Variants in PRUNE2 observed in about 807,000 individuals in gnomAD.
PRUNE2 encodes the protein prune homolog 2 with BCH domain.
Under a neutral mutation model 252.0 loss-of-function variants are expected in PRUNE2, and 164 were observed. The observed-to-expected ratio is 0.65, with a 90% confidence interval of 0.57 to 0.74. The LOEUF (loss-of-function observed/expected upper bound fraction) is 0.74, where lower values mean the gene tolerates loss of function less well. Among genes scored for constraint, PRUNE2 ranks in the 30% least tolerant of loss-of-function variants. PRUNE2 has a pLI of 0.00. For synonymous variants in PRUNE2, 1,292 were observed against 1,350.2 expected (o/e 0.96, Z 0.94); for missense variants, 3,495 against 3,711.0 (o/e 0.94, Z 1.51).
intron 4 of PRUNE2, among the ~76,000 whole-genome samples, chr9:76,828,674 G>A (rs1325492171): frequency 6.6e-6 from 1 of 152,154 alleles, no homozygotes; most frequent in Non-Finnish European, 1.5e-5. Context: ...TGGATTTTGT[G>A]TATACCCTGT....
intron 1 of PRUNE2, among the ~76,000 whole-genome samples, chr9:76,868,567 A>G (rs2060980406): frequency 6.6e-6 from 1 of 152,074 alleles, no homozygotes; most frequent in African/African-American, 2.4e-5. Flanking sequence ...TATTTACACA[A>G]TCACATGTAC....
intron 6 of PRUNE2, among the ~76,000 whole-genome samples, chr9:76,803,924 C>T (rs540773208): frequency 6.6e-6 from 1 of 152,306 alleles, no homozygotes; most frequent in South Asian, 2.1e-4. Context: ...CCCCTGGGGC[C>T]CTAGACAACT....
chr9:76,823,009 T>A (rs190434450), intron 6 of PRUNE2, among the ~76,000 whole-genome samples: 2 of 152,312 alleles, frequency 1.3e-5, no homozygotes, highest in East Asian at 3.9e-4. Context: ...TAAAATATAG[T>A]TCCCATTAGT....
chr9:76,837,662 A>G (rs1416069970), intron 4 of PRUNE2, among the ~76,000 whole-genome samples: 1 of 151,864 alleles, frequency 6.6e-6, no homozygotes, highest in Non-Finnish European at 1.5e-5. Flanking sequence ...TCTTTTTAAA[A>G]TGAGAAACTA....
At chr9:76,766,675 CTCG>C (rs1270166218) in intron 6 of PRUNE2, among the ~76,000 whole-genome samples, 1 of 152,108 alleles carries the variant, frequency 6.6e-6, no homozygotes, top group East Asian at 1.9e-4. Flanking sequence ...TCCAGTCACA[CTCG>C]TCTTCTTCAA....
intron 4 of PRUNE2, among the ~76,000 whole-genome samples, chr9:76,832,432 T>C (rs1045804659): frequency 2.0e-5 from 3 of 152,006 alleles, no homozygotes; most frequent in Admixed American, 2.0e-4. Context: ...ACTTGAAAAA[T>C]AGTCTAAAAA....
intron 6 of PRUNE2, among the ~76,000 whole-genome samples, chr9:76,751,703 C>T (rs1018395053): frequency 2.0e-5 from 3 of 152,170 alleles, no homozygotes; most frequent in Admixed American, 6.5e-5. Flanking sequence ...CTACTAGAAA[C>T]TCTTACTGAT....
At chr9:76,841,437 C>A (rs2059390427) in intron 4 of PRUNE2, among the ~76,000 whole-genome samples, 1 of 152,198 alleles carries the variant, frequency 6.6e-6, no homozygotes, top group Non-Finnish European at 1.5e-5. Context: ...TTTTCATACC[C>A]CAGTGGCGCC....
At chr9:76,636,019 G>A (rs1036955549) in intron 15 of PRUNE2, among the ~76,000 whole-genome samples, 3 of 152,174 alleles carry the variant, frequency 2.0e-5, no homozygotes, top group African/African-American at 7.2e-5. Context: ...AACTTTGGTA[G>A]TTATATAAAC....
intron 2 of PRUNE2, among the ~76,000 whole-genome samples, chr9:76,852,829 TATCTATCTATCTATCTATCC>T (rs1236195675): frequency 2.1e-5 from 2 of 93,642 alleles, no homozygotes; most frequent in Non-Finnish European, 4.3e-5. Context: ...TCTATCTATC[TATCTATCTATCTATCTATCC>T]ATGTGTTTTA....
At chr9:76,660,531 C>G (rs1278170742) in intron 9 of PRUNE2, among the ~76,000 whole-genome samples, 4 of 152,094 alleles carry the variant, frequency 2.6e-5, no homozygotes, top group Non-Finnish European at 4.4e-5. Flanking sequence ...CGCCTGTAAT[C>G]CCAACACTTT....
intron 1 of PRUNE2, among the ~76,000 whole-genome samples, chr9:76,875,210 A>G (rs1163736385): frequency 6.6e-6 from 1 of 151,990 alleles, no homozygotes; most frequent in Non-Finnish European, 1.5e-5. Context: ...CTCTGCTCAA[A>G]TATCACTTTT....
intron 9 of PRUNE2, among the ~76,000 whole-genome samples, chr9:76,664,108 G>A (rs1287177614): frequency 6.6e-6 from 1 of 152,220 alleles, no homozygotes; most frequent in Non-Finnish European, 1.5e-5. Flanking sequence ...CCTTAAGTGT[G>A]GACTGATGAT....
At chr9:76,816,163 CAAAA>C (rs71354684) in intron 6 of PRUNE2, among the ~76,000 whole-genome samples, 3 of 84,918 alleles carry the variant, frequency 3.5e-5, no homozygotes, top group Non-Finnish European at 2.3e-5. Context: ...ACTCCATCTC[CAAAA>C]AAAAAAAAAA....
intron 4 of PRUNE2, among the ~76,000 whole-genome samples, chr9:76,842,918 C>T (rs1275745271): frequency 2.6e-5 from 4 of 152,240 alleles, no homozygotes; most frequent in South Asian, 2.1e-4. Flanking sequence ...GACAGTGTGG[C>T]GATTCCTCAG....
intron 6 of PRUNE2, among the ~76,000 whole-genome samples, chr9:76,819,936 C>T (rs1439328660): frequency 3.3e-5 from 5 of 152,132 alleles, no homozygotes; most frequent in Admixed American, 6.5e-5. Context: ...ATAAAGGCAA[C>T]GTTTGCTCTT....
At chr9:76,726,670 C>A (rs1185351169) in intron 6 of PRUNE2, among the ~76,000 whole-genome samples, 10 of 152,152 alleles carry the variant, frequency 6.6e-5, no homozygotes, top group Admixed American at 6.5e-4. Flanking sequence ...ATACATTGTA[C>A]TATTTAAACA....
intron 1 of PRUNE2, 117 bp downstream of exon 1, chr9:76,905,811 C>A (rs1013004313): frequency 2.0e-5 from 27 of 1,334,442 alleles, no homozygotes; most frequent in Non-Finnish European, 2.6e-5. Flanking sequence ...ACCCGCACAC[C>A]CTGATAACTC....
chr9:76,705,868 G>A lies in PRUNE2; in HGVS notation c.6406C>T (p.Leu2136Phe). ...GPEVESSELC[L>F]TEPEIDEEPI... Reference sequence around the variant, plus strand: ...TCTTCATCTATCTCTGGCTCAGTGAGACAAAGCTCACTGGATTCCACTTCA... The same window carrying A: ...TCTTCATCTATCTCTGGCTCAGTGAAACAAAGCTCACTGGATTCCACTTCA... Residue 2136 changes from leucine to phenylalanine, a missense_variant, in exon 8 of 19, where the codon CTC (leucine) becomes TTC (phenylalanine). By Grantham distance (22) the Leu-to-Phe change is conservative. Coordinates refer to ENST00000376718, the MANE Select transcript of PRUNE2 (RefSeq NM_015225.3). 1 of 1,613,684 alleles carries A rather than the reference G, an allele frequency of 6.2e-7. No individual in the cohort carries two copies. Among genetic ancestry groups the A allele is most frequent in the South Asian group, 1.1e-5 (1 of 91,082 alleles).
Sources: gnomAD v4.1 joint callset for allele counts (sites outside exome capture counted in the v4.1 genomes callset) on GRCh38, gnomAD v4.1.1 for gene constraint, MANE v1.5 for transcripts, NCBI Gene and HGNC (gene_info 2026-07-23, HGNC 2026-07-21) for gene names.